The following GSE1 variants were observed in gnomAD, a reference collection of about 807,000 sequenced individuals.
GSE1 encodes the protein Gse1 coiled-coil protein.
A neutral mutation model predicts 112.6 loss-of-function variants in GSE1; 32 were observed. That is an observed-to-expected ratio of 0.28 (90% CI 0.21 to 0.38). The LOEUF (loss-of-function observed/expected upper bound fraction) is 0.38, where lower values mean the gene tolerates loss of function less well. GSE1 is among the 10% of genes least tolerant of loss of function. The probability of loss-of-function intolerance (pLI) is 1.00; values close to 1 mark genes in which losing one functional copy is unlikely to be tolerated. For missense variants in GSE1, 2,348 were observed against 1,699.2 expected (o/e 1.38, Z -6.71); for synonymous variants, 1,115 against 735.6 (o/e 1.52, Z -8.35).
intron 1 of GSE1, among the ~76,000 whole-genome samples, chr16:85,629,145 A>G (rs1213322771): frequency 6.6e-6 from 1 of 152,222 alleles, no homozygotes; most frequent in African/African-American, 2.4e-5. Flanking sequence ...AGGCCTCCCC[A>G]GAAGCAGATG....
rs371033914 is a variant in GSE1, at chr16:85,663,042, C to T, written c.2322C>T (p.His774=). 2 of 1,613,342 alleles carry T rather than the reference C, an allele frequency of 1.2e-6. No homozygotes were observed. Among genetic ancestry groups the T allele is most frequent in the Non-Finnish European group, 1.7e-6 (2 of 1,179,880 alleles). The stretch of plus-strand genomic sequence containing the variant: ...GCGATGAGGAGGAGGTCAGGGCCCA[C>T]CTCCGTTGCGTGGCCGAGCAGCCGC... ...DESDEEEVRA[H]LRCVAEQPPL... The change falls in exon 10 of 16, where the codon CAC becomes CAT. Residue 774 remains histidine, a synonymous_variant. Transcript: ENST00000253458.
At chr16:85,505,331 G>A (rs543265978) in intron 2 of GSE1, among the ~76,000 whole-genome samples, 4 of 152,302 alleles carry the variant, frequency 2.6e-5, no homozygotes, top group South Asian at 2.1e-4. Flanking sequence ...TCCCATGCAC[G>A]TGGGAGTCCC....
intron 1 of GSE1, among the ~76,000 whole-genome samples, chr16:85,279,582 C>G (rs2151421102): frequency 6.6e-6 from 1 of 152,204 alleles, no homozygotes; most frequent in Non-Finnish European, 1.5e-5. Context: ...GGTGGCAGAG[C>G]AAGACCCTGT....
chr16:85,557,963 C>CT (rs947451218), intron 1 of GSE1, among the ~76,000 whole-genome samples: 13 of 149,604 alleles, frequency 8.7e-5, no homozygotes, highest in East Asian at 5.9e-4. Context: ...CATTCTTGAT[C>CT]TTTTTTTTTT....
intron 11 of GSE1, chr16:85,664,719 T>C (rs1351444805): frequency 2.0e-5 from 6 of 293,852 alleles, no homozygotes; most frequent in African/African-American, 1.3e-4. Flanking sequence ...TAAGAATACA[T>C]CCTCGCACGT....
intron 2 of GSE1, among the ~76,000 whole-genome samples, chr16:85,638,297 C>G (rs1256716271): frequency 6.6e-6 from 1 of 152,180 alleles, no homozygotes; most frequent in Non-Finnish European, 1.5e-5. Context: ...ATTTATTTTT[C>G]TGGAGGCGCT....
intron 2 of GSE1, among the ~76,000 whole-genome samples, chr16:85,641,422 C>T (rs926008407): frequency 2.0e-5 from 3 of 148,952 alleles, no homozygotes; most frequent in African/African-American, 7.4e-5. Flanking sequence ...CACTGGCTGA[C>T]GCCCCCCCCC....
chr16:85,225,871 A>G (rs9928660), intron 1 of GSE1, among the ~76,000 whole-genome samples: 79,857 of 152,082 alleles, frequency 0.53, 21,161 homozygotes, highest in African/African-American at 0.57. Flanking sequence ...CTGCTCCCAC[A>G]CAAGGTGCCC....
chr16:85,634,273 G>T (rs2049801910), intron 2 of GSE1, 141 bp downstream of exon 2: 2 of 612,980 alleles, frequency 3.3e-6, no homozygotes, highest in Admixed American at 4.2e-5. Flanking sequence ...GGCAGTGCTG[G>T]CTGAGCTACA....
At chr16:85,669,696 G>A (rs1293110014) in intron 14 of GSE1, among the ~76,000 whole-genome samples, 5 of 152,176 alleles carry the variant, frequency 3.3e-5, no homozygotes, top group Non-Finnish European at 5.9e-5. Context: ...ATACCCCATG[G>A]CTGTCAGGCT....
At chr16:85,297,577 G>A (rs2151453866) in intron 1 of GSE1, among the ~76,000 whole-genome samples, 1 of 152,310 alleles carries the variant, frequency 6.6e-6, no homozygotes, top group South Asian at 2.1e-4. Context: ...ATGGCTCACT[G>A]CAGCCTCCAC....
intron 2 of GSE1, among the ~76,000 whole-genome samples, chr16:85,458,207 G>A (rs145479907): frequency 6.9e-4 from 105 of 152,234 alleles, no homozygotes; most frequent in African/African-American, 2.3e-3. Context: ...CAGCTCTGGG[G>A]ACCCCCTGCC....
At chr16:85,173,865 GT>G (rs1474953306) in intron 1 of GSE1, among the ~76,000 whole-genome samples, 1 of 152,164 alleles carries the variant, frequency 6.6e-6, no homozygotes, top group African/African-American at 2.4e-5. Flanking sequence ...GTTTGGTGAG[GT>G]TTCATGTGGT....
chr16:85,477,429 G>C (rs1248925005), intron 2 of GSE1, among the ~76,000 whole-genome samples: 1 of 151,828 alleles, frequency 6.6e-6, no homozygotes, highest in African/African-American at 2.4e-5. Context: ...CCCAGCCACA[G>C]TCAAACATGC....
intron 1 of GSE1, among the ~76,000 whole-genome samples, chr16:85,618,804 C>G (rs1372006164): frequency 6.6e-6 from 1 of 152,220 alleles, no homozygotes; most frequent in Admixed American, 6.5e-5. Context: ...ACCACTGATG[C>G]GTGCCGCGAC....
intron 1 of GSE1, among the ~76,000 whole-genome samples, chr16:85,569,023 T>C (rs1013625218): frequency 6.6e-6 from 1 of 152,204 alleles, no homozygotes; most frequent in Non-Finnish European, 1.5e-5. Flanking sequence ...GTTAGTGTCA[T>C]TGAGGTCACT....
chr16:85,431,249 T>G (rs745319525), intron 2 of GSE1, among the ~76,000 whole-genome samples: 2 of 152,136 alleles, frequency 1.3e-5, no homozygotes, highest in Non-Finnish European at 2.9e-5. Context: ...CTGGGGTGAA[T>G]GTGGAGGAGC....
chr16:85,624,080 G>C (rs1021950756), intron 1 of GSE1, among the ~76,000 whole-genome samples: 2 of 152,114 alleles, frequency 1.3e-5, no homozygotes, highest in Non-Finnish European at 2.9e-5. Context: ...GCATTTCGTG[G>C]GTCCTTGTGA....
At chr16:85,600,562 A>ACACAC (rs1567633440) in intron 1 of GSE1, among the ~76,000 whole-genome samples, 2 of 148,644 alleles carry the variant, frequency 1.3e-5, no homozygotes, top group African/African-American at 5.0e-5. Flanking sequence ...CTTGTTAAAA[A>ACACAC]ACACACACAC....
Sources: allele counts gnomAD v4.1 joint callset (sites outside exome capture counted in the v4.1 genomes callset), GRCh38; gene constraint gnomAD v4.1.1; transcripts MANE v1.5; gene names NCBI Gene and HGNC (gene_info 2026-07-23, HGNC 2026-07-21).